COL18A1: variants seen among roughly 807,000 people sequenced by gnomAD.
COL18A1 encodes collagen alpha-1(XVIII) chain.
COL18A1 carries 133 observed loss-of-function variants against 168.0 expected under a neutral mutation model. The ratio of observed to expected loss-of-function variants is 0.79; its 90% confidence interval spans 0.69 to 0.91. The LOEUF (loss-of-function observed/expected upper bound fraction) is 0.91. Ranked by LOEUF, COL18A1 falls within the 40% of genes least tolerant of loss-of-function variation. COL18A1 has a pLI of 0.00. For missense variants in COL18A1, 2,126 were observed against 1,925.4 expected (o/e 1.10, Z -1.95); for synonymous variants, 949 against 809.0 (o/e 1.17, Z -2.94).
At chr21:45,480,907 T>C in intron 13 of COL18A1, 49 bp downstream of exon 13, 1 of 1,569,094 alleles carries the variant, frequency 6.4e-7, no homozygotes, top group East Asian at 2.3e-5. Context: ...CTGCTGGGAG[T>C]GAGGGGTGAA....
rs1282140258 is a variant in COL18A1 at position 45,505,025 on chromosome 21, A to G, written c.2869-109A>G. The G allele has an allele frequency of 2.1e-5, 30 of 1,418,026 alleles. No homozygotes were observed. In the Middle Eastern group the frequency reaches 1.6e-3, roughly 74 times the overall value. 87.8% of individuals were successfully genotyped at this position (1,418,026 alleles called of 1,614,324 possible). ...TGGGCAGGGAGGGGACCGGTGACTC[A>G]GAGGCTGCGCTCGCCAAGGGGGTCT... On this transcript the variant is annotated intron_variant, in intron 34 of 41. Coordinates refer to ENST00000651438, the MANE Select transcript of COL18A1 (RefSeq NM_001379500.1).
At chr21:45,503,673 T>G (rs1025662581) in intron 32 of COL18A1, among the ~76,000 whole-genome samples, 1 of 147,892 alleles carries the variant, frequency 6.8e-6, no homozygotes, top group Admixed American at 6.7e-5. Flanking sequence ...CATTGGGAGA[T>G]ATACCTAATG....
At chr21:45,494,990 T>A (rs1057296915) in intron 28 of COL18A1, 75 bp downstream of exon 28, 20 of 1,334,794 alleles carry the variant, frequency 1.5e-5, no homozygotes, top group Admixed American at 3.8e-5. Flanking sequence ...CCCACGGGGG[T>A]GACATGCCCA....
chr21:45,510,718 G>A (rs1181775623), intron 40 of COL18A1, among the ~76,000 whole-genome samples: 2 of 152,186 alleles, frequency 1.3e-5, no homozygotes, highest in Non-Finnish European at 2.9e-5. Context: ...TGGCTTCTGG[G>A]TGCCCCGGGG....
intron 17 of COL18A1, 89 bp from the exon 18 acceptor site, chr21:45,488,329 A>G: frequency 1.0e-5 from 16 of 1,557,818 alleles, no homozygotes; most frequent in Non-Finnish European, 1.4e-5. Flanking sequence ...TGAAGTCTTG[A>G]CTGTTACTAG....
In COL18A1 at chr21:45,505,271, C is replaced by G. The variant is rs772897606; in HGVS notation, c.3006C>G (p.His1002Gln). ...PPGPPSFPGP[H>Q]RQTISVPGPP... ...GGCCCCCTTCATTTCCTGGCCCTCACAGGCAGAGTAAGTCAGTGGGGAGTG... is the reference window on the plus strand; with the variant it reads ...GGCCCCCTTCATTTCCTGGCCCTCAGAGGCAGAGTAAGTCAGTGGGGAGTG... The change falls in exon 35 of 42, where the codon CAC (histidine) becomes CAG (glutamine). Residue 1002 changes from histidine to glutamine, a missense_variant. Transcript: ENST00000651438. 1.9e-6 allele frequency: 3 copies of G among 1,608,214 alleles called. No individual in the cohort carries two copies. The highest frequency in any genetic ancestry group is 3.3e-5 in the Admixed American group (2 of 59,988).
intron 2 of COL18A1, among the ~76,000 whole-genome samples, chr21:45,445,793 A>G (rs1248332373): frequency 6.6e-6 from 1 of 151,700 alleles, no homozygotes; most frequent in East Asian, 1.9e-4. Context: ...TTTTAGTTGG[A>G]TTATTGTCTT....
chr21:45,475,326 C>T (rs553656476), intron 4 of COL18A1, 150 bp from the exon 5 acceptor site: 43 of 723,246 alleles, frequency 5.9e-5, no homozygotes, highest in Non-Finnish European at 9.6e-5. Flanking sequence ...CCCACCCCAG[C>T]GGCCCCCCGG....
At position 45,481,949 on chromosome 21, in the gene COL18A1, C is replaced by T. The variant is rs2035911619; in HGVS notation, c.1612-14C>T. 2 of 1,603,838 alleles carry T rather than the reference C, an allele frequency of 1.2e-6. No homozygotes were observed. The highest frequency in any genetic ancestry group is 2.7e-5 in the African/African-American group (2 of 74,848). On this transcript the variant is annotated splice_polypyrimidine_tract_variant and intron_variant, in intron 13 of 41. Coordinates refer to ENST00000651438, the MANE Select transcript of COL18A1 (RefSeq NM_001379500.1). ...GAATGCCATCAAGACCCACTATGCT[C>T]TGCTCTCCCCCAGGGACCCCCAGGC...
In COL18A1 at chr21:45,497,693, G is replaced by A. The variant is rs377619042; in HGVS notation, c.2683+32G>A. ...AACTCTGGACATCCCAGGCAGGAGA[G>A]CCATGGCGTGGCCAGCACTGAAGTG... is the stretch of plus-strand genomic sequence containing the variant. On this transcript the variant is annotated intron_variant, in intron 32 of 41. Transcript: ENST00000651438. 5 of 1,553,632 alleles carry A rather than the reference G, an allele frequency of 3.2e-6. No individual in the cohort carries two copies. In the South Asian group the frequency reaches 3.6e-5, roughly 11 times the overall value.
intron 7 of COL18A1, 37 bp downstream of exon 7, chr21:45,477,524 A>C (rs780398114): frequency 1.9e-5 from 30 of 1,563,800 alleles, no homozygotes; most frequent in Non-Finnish European, 2.2e-5. Context: ...ACCATTCTGA[A>C]CCAGAGCACC....
Position 45,507,570 on chromosome 21 carries a change from C to G in COL18A1, c.3226C>G (p.Arg1076Gly). ...NGFRKVQLEA[R>G]TPLPRGTDNE... Reference sequence around the variant, plus strand: ...TGCTGCTTTCTTCCAGCTGGAGGCCCGGACACCACTCCCACGAGGGACGGT... The same window carrying G: ...TGCTGCTTTCTTCCAGCTGGAGGCCGGGACACCACTCCCACGAGGGACGGT... The change falls in exon 38 of 42, where the codon CGG (arginine) becomes GGG (glycine). Residue 1076 changes from arginine (R) to glycine (G), a missense_variant. Physicochemically the swap from Arg to Gly is moderately radical, Grantham distance 125 (BLOSUM62 -2). Coordinates refer to ENST00000651438, the MANE Select transcript of COL18A1 (RefSeq NM_001379500.1). The G allele has an allele frequency of 1.9e-6, 3 of 1,612,978 alleles. No individual in the cohort carries two copies. Among genetic ancestry groups the G allele is most frequent in the Admixed American group, 3.3e-5 (2 of 59,994 alleles).
rs2034894407 is a variant in COL18A1, at chr21:45,457,857, G to A, written c.107-10385G>A. 6.6e-6 allele frequency among the ~76,000 whole-genome samples: 1 copy of A among 152,166 alleles called. No homozygotes were observed. The highest frequency in any genetic ancestry group is 1.5e-5 in the Non-Finnish European group (1 of 68,024). ...GGGGTTAGCAGCTGTGCCGGACCTG[G>A]AGGTGGGGGTGCCTGCAGTGGAAAT... is the stretch of plus-strand genomic sequence containing the variant. On this transcript the variant is annotated intron_variant, in intron 2 of 41. Transcript: ENST00000651438. This position sits in a 1 kb window ranked among gnomAD's most constrained non-coding sequence, Gnocchi z 4.6.
At chr21:45,503,983 C>G in intron 32 of COL18A1, 28 bp from the exon 33 acceptor site, 1 of 1,613,010 alleles carries the variant, frequency 6.2e-7, no homozygotes, top group East Asian at 2.2e-5. Flanking sequence ...ACCACCTCAG[C>G]GAGACCCCGC....
Position 45,498,744 on chromosome 21 carries a change from G to C in COL18A1, c.2683+1083G>C. On this transcript the variant is annotated intron_variant, in intron 32 of 41. Transcript: ENST00000651438. The surrounding 1 kb of genome is among the most constrained non-coding windows in gnomAD (Gnocchi z 4.5). ...ATGCACAGATGACCAGAAACCAGGA[G>C]AAGAGGCCAGTGACACACCAGACCA... 4.9e-6 allele frequency: 3 copies of C among 610,718 alleles called. No individual in the cohort carries two copies. In the South Asian group the frequency reaches 5.8e-5, roughly 12 times the overall value. 37.8% of individuals were successfully genotyped at this position (610,718 alleles called of 1,614,324 possible).
chr21:45,480,538 T>G lies in COL18A1; in HGVS notation c.1452+18T>G. ...CCCTGCGGGTGAGTGGCCCTTAAAC[T>G]GCAGCGCTGCCCGATGTCTGTGCCC... On this transcript the variant is annotated intron_variant, in intron 12 of 41. Transcript: ENST00000651438. 1 of 1,613,942 alleles carries G rather than the reference T, an allele frequency of 6.2e-7. No homozygotes were observed. The highest frequency in any genetic ancestry group is 1.1e-5 in the South Asian group (1 of 91,084).
intron 2 of COL18A1, among the ~76,000 whole-genome samples, chr21:45,458,390 G>C (rs560110184): frequency 1.1e-3 from 167 of 152,154 alleles, no homozygotes; most frequent in African/African-American, 3.9e-3. Context: ...GCATCTCATA[G>C]GGCTGGAGCT....
intron 2 of COL18A1, among the ~76,000 whole-genome samples, chr21:45,448,832 T>C (rs1199843259): frequency 6.6e-6 from 1 of 152,242 alleles, no homozygotes; most frequent in Non-Finnish European, 1.5e-5. Flanking sequence ...TCCTGCTCTG[T>C]AGTCTGTTGA....
rs748441426 is a variant in COL18A1, at chr21:45,505,976, CTG to C, written c.3216+15_3216+16del. The C allele has an allele frequency of 2.5e-6, 4 of 1,613,042 alleles. No homozygotes were observed. The South Asian group carries it at 4.4e-5, about 18-fold the overall frequency. Reference sequence around the variant, plus strand: ...GTTCCGGAAGGTCCAGGTGAGCGCTCTGTGTGACGGGTTCTGGACCCGTGGAA... The same window carrying C: ...GTTCCGGAAGGTCCAGGTGAGCGCTCTGTGACGGGTTCTGGACCCGTGGAA... On this transcript the variant is annotated intron_variant, in intron 37 of 41. Coordinates refer to ENST00000651438, the MANE Select transcript of COL18A1 (RefSeq NM_001379500.1).
Sources: allele counts gnomAD v4.1 joint callset (sites outside exome capture counted in the v4.1 genomes callset), GRCh38; gene constraint gnomAD v4.1.1; non-coding constraint Gnocchi (gnomAD v3.1); transcripts MANE v1.5; gene names NCBI Gene and HGNC (gene_info 2026-07-23, HGNC 2026-07-21).